The following SEPSECS variants were observed in gnomAD, a reference collection of about 807,000 sequenced individuals.
SEPSECS encodes Sep (O-phosphoserine) tRNA:Sec (selenocysteine) tRNA synthase.
SEPSECS carries 42 observed loss-of-function variants against 52.1 expected under a neutral mutation model. That is an observed-to-expected ratio of 0.81 (90% CI 0.63 to 1.04). SEPSECS has a LOEUF of 1.04. SEPSECS is among the 50% of genes least tolerant of loss of function. The pLI is 0.00. For synonymous variants in SEPSECS, 216 were observed against 211.4 expected (o/e 1.02, Z -0.19); for missense variants, 590 against 610.6 (o/e 0.97, Z 0.36).
chr4:25,136,599 G>C (rs1050872805), intron 8 of SEPSECS, among the ~76,000 whole-genome samples: 1 of 152,026 alleles, frequency 6.6e-6, no homozygotes, highest in African/African-American at 2.4e-5. Flanking sequence ...TCCATATTAT[G>C]GATAGGAAGA....
At position 25,145,776 on chromosome 4, in the gene SEPSECS, T is replaced by C. The variant is rs573267717; in HGVS notation, c.805-643A>G. On this transcript the variant is annotated intron_variant, in intron 6 of 10. Transcript: ENST00000382103. ...ATCCGAGTTGCCAAACAGTTAATTATACATGTGCCTCTCTTTAATGCTTGG... is the reference window on the plus strand; with the variant it reads ...ATCCGAGTTGCCAAACAGTTAATTACACATGTGCCTCTCTTTAATGCTTGG... Among the ~76,000 whole-genome samples the C allele has an allele frequency of 4.6e-5, 7 of 152,332 alleles. No homozygotes were observed. The South Asian group carries it at 1.4e-3, about 32-fold the overall frequency.
chr4:25,144,498 A>C (rs1272474282), intron 8 of SEPSECS, among the ~76,000 whole-genome samples: 1 of 151,854 alleles, frequency 6.6e-6, no homozygotes, highest in Non-Finnish European at 1.5e-5. Flanking sequence ...AAATGAATTG[A>C]ATTTTATTGA....
intron 2 of SEPSECS, among the ~76,000 whole-genome samples, chr4:25,157,746 C>G (rs1450190705): frequency 6.6e-6 from 1 of 152,054 alleles, no homozygotes; most frequent in Non-Finnish European, 1.5e-5. Context: ...GGGGTTTCAC[C>G]ATGTTAGCCA....
Position 25,158,805 on chromosome 4 carries a change from T to C in SEPSECS, c.269+148A>G, listed in dbSNP as rs556188414. ...AGATAAAATTGTTTCCATCTCCCTG[T>C]TGCATTTGGCTTACATATCCATTAG... On this transcript the variant is annotated intron_variant, in intron 2 of 10. Coordinates refer to ENST00000382103, the MANE Select transcript of SEPSECS (RefSeq NM_016955.4). 1.6e-3 allele frequency: 1,186 copies of C among 747,424 alleles called. 27 individuals carry two copies. In the South Asian group the frequency reaches 0.019, roughly 12 times the overall value. 46.3% of individuals were successfully genotyped at this position (747,424 alleles called of 1,614,324 possible).
rs1377791698 is a variant in SEPSECS, at chr4:25,146,134, A to G, written c.805-1001T>C. Among the ~76,000 whole-genome samples, 3 of 152,194 alleles carry G rather than the reference A, an allele frequency of 2.0e-5. No individual in the cohort carries two copies. The East Asian group carries it at 5.8e-4, about 29-fold the overall frequency. On this transcript the variant is annotated intron_variant, in intron 6 of 10. Coordinates refer to ENST00000382103, the MANE Select transcript of SEPSECS (RefSeq NM_016955.4). Reference sequence around the variant, plus strand: ...AGATACTGTCTAAATTACAACTAACATAGTCTTTTTCTTTATCTGTAGCCA... The same window carrying G: ...AGATACTGTCTAAATTACAACTAACGTAGTCTTTTTCTTTATCTGTAGCCA...
At chr4:25,153,250 G>T (rs1017286839) in intron 5 of SEPSECS, among the ~76,000 whole-genome samples, 1 of 151,754 alleles carries the variant, frequency 6.6e-6, no homozygotes, top group Non-Finnish European at 1.5e-5. Context: ...ATACACAGAA[G>T]TATTTTCTTC....
intron 8 of SEPSECS, among the ~76,000 whole-genome samples, chr4:25,129,312 T>C (rs1294077378): frequency 6.6e-6 from 1 of 152,002 alleles, no homozygotes; most frequent in African/African-American, 2.4e-5. Flanking sequence ...AAAAAAAGCA[T>C]CTTTTCTTAG....
chr4:25,143,044 T>C (rs1348329444), intron 8 of SEPSECS, among the ~76,000 whole-genome samples: 1 of 152,226 alleles, frequency 6.6e-6, no homozygotes, highest in African/African-American at 2.4e-5. Context: ...TCCTCATCTA[T>C]AGAGAGTTGT....
At chr4:25,125,631 G>C (rs968314551) in intron 10 of SEPSECS, 63 bp downstream of exon 10, 1 of 994,376 alleles carries the variant, frequency 1.0e-6, no homozygotes, top group Non-Finnish European at 1.6e-6. Context: ...TTGAGGAAAG[G>C]TATTTTACTG....
intron 8 of SEPSECS, among the ~76,000 whole-genome samples, chr4:25,144,418 C>T (rs1036325670): frequency 1.3e-5 from 2 of 151,428 alleles, no homozygotes; most frequent in African/African-American, 4.9e-5. Context: ...TTTCAAGTTT[C>T]CAAAAACTAA....
chr4:25,138,792 T>G (rs1728945586), intron 8 of SEPSECS, among the ~76,000 whole-genome samples: 1 of 152,210 alleles, frequency 6.6e-6, no homozygotes, highest in African/African-American at 2.4e-5. Context: ...AACATGAATC[T>G]GCACCAAAAT....
chr4:25,120,172 C>T lies in SEPSECS; in HGVS notation c.*3759G>A, dbSNP rs1048859998. 4 of 152,116 alleles carry T rather than the reference C, an allele frequency of 2.6e-5. No individual in the cohort carries two copies. The highest frequency in any genetic ancestry group is 2.9e-5 in the Non-Finnish European group (2 of 67,996). 9.4% of individuals were successfully genotyped at this position (152,116 alleles called of 1,614,324 possible). ...ATATTCTCATGGCTAAAATCCCCCA[C>T]GGTTATACAGTTAAGCATAGCCTTT... On this transcript the variant is annotated 3_prime_UTR_variant, in exon 11 of 11. Coordinates refer to ENST00000382103, the MANE Select transcript of SEPSECS (RefSeq NM_016955.4).
intron 1 of SEPSECS, chr4:25,159,997 C>T: frequency 1.0e-6 from 1 of 985,456 alleles, no homozygotes; most frequent in Non-Finnish European, 1.2e-6. Flanking sequence ...ACTTCCGCAT[C>T]CCGAAGTTAG....
rs879312317 is a variant in SEPSECS at position 25,144,805 on chromosome 4, T to C, written c.995A>G (p.Asn332Ser). The change falls in exon 8 of 11, where the codon AAT becomes AGT. Residue 332 changes from asparagine to serine, a missense_variant. Asn to Ser is a conservative substitution (Grantham distance 46, BLOSUM62 1). Coordinates refer to ENST00000382103, the MANE Select transcript of SEPSECS (RefSeq NM_016955.4). ...VLITLLSLGS[N>S]GYKKLLKERK... ...TTCTTTTAGTAGCTTCTTATAGCCA[T>C]TTGATCCAAGTGACAATAAAGTAAT... The C allele has an allele frequency of 2.6e-5, 42 of 1,612,980 alleles. No homozygotes were observed. The highest frequency in any genetic ancestry group is 3.3e-5 in the Non-Finnish European group (39 of 1,179,348).
intron 3 of SEPSECS, 108 bp from the exon 4 acceptor site, chr4:25,156,303 G>A: frequency 2.0e-6 from 2 of 1,015,906 alleles, no homozygotes; most frequent in Non-Finnish European, 3.0e-6. Context: ...CGTAGCCCTA[G>A]GGCTTCTGTT....
intron 8 of SEPSECS, among the ~76,000 whole-genome samples, chr4:25,134,605 T>C (rs1389134867): frequency 6.6e-6 from 1 of 152,136 alleles, no homozygotes; most frequent in Admixed American, 6.5e-5. Flanking sequence ...AGACACATAA[T>C]AGTAATTTTT....
At chr4:25,160,209 G>T (rs1392195883) in intron 1 of SEPSECS, 47 bp downstream of exon 1, 4 of 1,545,742 alleles carry the variant, frequency 2.6e-6, no homozygotes, top group Middle Eastern at 1.8e-4. Context: ...GGCGGAGCCA[G>T]AGCCCCGGGG....
rs953228149 is a variant in SEPSECS, at chr4:25,144,665, T to C, written c.1026+109A>G. 18 of 801,328 alleles carry C rather than the reference T, an allele frequency of 2.2e-5. No individual in the cohort carries two copies. The Admixed American group carries it at 2.9e-4, about 13-fold the overall frequency. The allele number at this position is 801,328 out of a possible 1,614,324, so 49.6% of individuals were successfully genotyped here. ...GATCTGAATAAATACTATCGGACCA[T>C]ACTAGATGTCTCCCTCCCAGTGCAA... On this transcript the variant is annotated intron_variant, in intron 8 of 10. Transcript: ENST00000382103.
intron 8 of SEPSECS, among the ~76,000 whole-genome samples, chr4:25,132,019 T>C (rs28680607): frequency 0.017 from 2,589 of 152,244 alleles, 68 homozygotes; most frequent in African/African-American, 0.059. Context: ...TTCATGGTTA[T>C]TTCTCCCCTC....
Sources: gnomAD v4.1 joint callset for allele counts (sites outside exome capture counted in the v4.1 genomes callset) on GRCh38, gnomAD v4.1.1 for gene constraint, MANE v1.5 for transcripts, NCBI Gene and HGNC (gene_info 2026-07-23, HGNC 2026-07-21) for gene names.